The following WDR88 variants were observed in gnomAD, a reference collection of about 807,000 sequenced individuals.
WDR88 encodes the protein WD repeat-containing protein 88.
Under a neutral mutation model 46.8 loss-of-function variants are expected in WDR88, and 40 were observed. That is an observed-to-expected ratio of 0.86 (90% CI 0.66 to 1.11). The LOEUF (loss-of-function observed/expected upper bound fraction) is 1.11. Among genes scored for constraint, WDR88 ranks in the 50% most tolerant of loss-of-function variants. The probability of loss-of-function intolerance (pLI) is 0.00; values close to 1 mark genes in which losing one functional copy is unlikely to be tolerated. For synonymous variants in WDR88, 235 were observed against 240.7 expected, an observed-to-expected ratio of 0.98 and a Z score of 0.22; for missense variants, 562 against 602.4, an observed-to-expected ratio of 0.93 and a Z score of 0.70.
In WDR88 at chr19:33,146,580, G is replaced by A. The variant is rs912313474; in HGVS notation, c.477-1065G>A. The stretch of plus-strand genomic sequence containing the variant: ...CCTGCCCACGCTGGAGCGCAGTGGC[G>A]CAATCTTGGCTCACTGTAACCTCCG... On this transcript the variant is annotated intron_variant, in intron 3 of 10. Coordinates refer to ENST00000355868, the MANE Select transcript of WDR88 (RefSeq NM_173479.4). Among the ~76,000 whole-genome samples, 7 of 151,814 alleles carry A rather than the reference G, an allele frequency of 4.6e-5. No individual in the cohort carries two copies. In the East Asian group the frequency reaches 7.8e-4, roughly 17 times the overall value.
intron 2 of WDR88, among the ~76,000 whole-genome samples, chr19:33,143,337 C>CA (rs59380405): frequency 0.079 from 3,851 of 48,614 alleles, 196 homozygotes; most frequent in African/African-American, 0.11. Flanking sequence ...GATCCAGTGT[C>CA]AAAAAAAAAA....
At position 33,132,215 on chromosome 19, in the gene WDR88, T is replaced by C. The variant is rs1404911037; in HGVS notation, c.46T>C (p.Cys16Arg). Residue 16 changes from cysteine (C) to arginine (R), a missense_variant, in exon 1 of 11, where the codon TGC (cysteine) becomes CGC (arginine). Cys to Arg is a radical substitution (Grantham distance 180). Coordinates refer to ENST00000355868, the MANE Select transcript of WDR88 (RefSeq NM_173479.4). ...RCSPTAHDRE[C>R]KLPPPSAPAS... ...CTCCCCGACAGCCCATGACAGGGAA[T>C]GCAAGTTGCCGCCACCCTCCGCCCC... The C allele has an allele frequency of 1.2e-6, 2 of 1,608,896 alleles. No homozygotes were observed. Among genetic ancestry groups the C allele is most frequent in the Admixed American group, 1.7e-5 (1 of 59,964 alleles).
At chr19:33,167,709 C>T (rs1023862296) in intron 9 of WDR88, among the ~76,000 whole-genome samples, 12 of 151,012 alleles carry the variant, frequency 7.9e-5, no homozygotes, top group Non-Finnish European at 1.3e-4. Flanking sequence ...TTCTTCCTTC[C>T]TTCAATCCTT....
chr19:33,143,898 C>T (rs1973454301), intron 2 of WDR88, among the ~76,000 whole-genome samples: 1 of 152,146 alleles, frequency 6.6e-6, no homozygotes, highest in South Asian at 2.1e-4. Flanking sequence ...AATATTGTCA[C>T]ATCTCCTTTA....
intron 5 of WDR88, among the ~76,000 whole-genome samples, chr19:33,149,437 A>G (rs1973587820): frequency 6.6e-6 from 1 of 152,342 alleles, no homozygotes; most frequent in South Asian, 2.1e-4. Flanking sequence ...AACAAAGGAC[A>G]CAATGTTCGG....
intron 8 of WDR88, among the ~76,000 whole-genome samples, chr19:33,163,579 G>T (rs1462156676): frequency 6.6e-6 from 1 of 151,266 alleles, no homozygotes; most frequent in African/African-American, 2.4e-5. Flanking sequence ...TTTACACTTT[G>T]TATTCCACCC....
chr19:33,154,951 C>T (rs1973706164), intron 6 of WDR88, among the ~76,000 whole-genome samples: 1 of 152,154 alleles, frequency 6.6e-6, no homozygotes, highest in Non-Finnish European at 1.5e-5. Context: ...TTGTTTTGCT[C>T]AACCTTTTCT....
rs571285196 is a variant in WDR88, at chr19:33,151,316, T to C, written c.809+6T>C. ...ACGCTGCTCACCATCACTAAGTGAG[T>C]TGGACCCCAGGAGGCCAGAAGGGAG... On this transcript the variant is annotated splice_donor_region_variant and intron_variant, in intron 6 of 10. Transcript: ENST00000355868. 2.5e-6 allele frequency: 4 copies of C among 1,611,438 alleles called. No individual in the cohort carries two copies. The highest frequency in any genetic ancestry group is 2.7e-5 in the African/African-American group (2 of 74,848).
In WDR88 at chr19:33,175,414, C is replaced by T. The variant is rs751759441; in HGVS notation, c.1261C>T (p.Pro421Ser). The T allele has an allele frequency of 1.9e-6, 3 of 1,614,022 alleles. No homozygotes were observed. The highest frequency in any genetic ancestry group is 1.3e-5 in the African/African-American group (1 of 74,938). ...ATGTCAGTGCGAAAGATGTGACAGGCCTTTCTCCATCTTCAAGAGTGACAC... is the reference window on the plus strand; with the variant it reads ...ATGTCAGTGCGAAAGATGTGACAGGTCTTTCTCCATCTTCAAGAGTGACAC... ...KLKQCERCDR[P>S]FSIFKSDTSS... Residue 421 changes from proline to serine, a missense_variant, in exon 11 of 11, where the codon CCT (proline) becomes TCT (serine). By Grantham distance (74) the Pro-to-Ser change is moderately conservative. Coordinates refer to ENST00000355868, the MANE Select transcript of WDR88 (RefSeq NM_173479.4).
chr19:33,134,996 C>G (rs1045388622), intron 1 of WDR88, among the ~76,000 whole-genome samples: 2 of 151,668 alleles, frequency 1.3e-5, no homozygotes, highest in Non-Finnish European at 2.9e-5. Flanking sequence ...TTTCCCCCAC[C>G]CCCACACTTC....
intron 4 of WDR88, among the ~76,000 whole-genome samples, chr19:33,148,009 A>C (rs1336473350): frequency 6.6e-6 from 1 of 151,876 alleles, no homozygotes; most frequent in Non-Finnish European, 1.5e-5. Context: ...AAGAAGCCAG[A>C]ATTGGGGGTG....
chr19:33,165,031 C>G (rs903511752), intron 9 of WDR88, among the ~76,000 whole-genome samples: 2 of 151,964 alleles, frequency 1.3e-5, no homozygotes, highest in African/African-American at 2.4e-5. Flanking sequence ...AAGGAGCACA[C>G]AGCCTAGATC....
intron 1 of WDR88, among the ~76,000 whole-genome samples, chr19:33,132,957 T>A (rs1456481058): frequency 4.6e-5 from 7 of 151,844 alleles, no homozygotes; most frequent in Non-Finnish European, 7.4e-5. Context: ...CCCAGGAGTT[T>A]GAGACCAGCC....
Position 33,158,067 on chromosome 19 carries a change from G to A in WDR88, c.997+1525G>A, listed in dbSNP as rs367838735. Among the ~76,000 whole-genome samples the A allele has an allele frequency of 6.9e-4, 105 of 152,192 alleles. 5 individuals carry two copies. In the South Asian group the frequency reaches 0.021, roughly 31 times the overall value. ...TTGCCAGATAAAGGGACATAGAGGT[G>A]AATGGGGGCAGTGACAGGAAGCCAC... On this transcript the variant is annotated intron_variant, in intron 7 of 10. Transcript: ENST00000355868.
intron 10 of WDR88, chr19:33,175,107 C>A: frequency 1.4e-6 from 1 of 728,714 alleles, no homozygotes. Context: ...TGGTGGTGCA[C>A]GCCTGTAATC....
At chr19:33,162,628 G>C (rs1973887959) in intron 8 of WDR88, among the ~76,000 whole-genome samples, 1 of 152,144 alleles carries the variant, frequency 6.6e-6, no homozygotes, top group African/African-American at 2.4e-5. Flanking sequence ...CAGGGCCTCT[G>C]AGGGGTATTT....
intron 1 of WDR88, 23 bp from the exon 2 acceptor site, chr19:33,137,654 C>A (rs754990296): frequency 6.3e-7 from 1 of 1,590,716 alleles, no homozygotes; most frequent in Non-Finnish European, 8.6e-7. Flanking sequence ...ATGTTTAGCT[C>A]ATCTGGTCTC....
chr19:33,147,618 T>C (rs1293715505), intron 3 of WDR88, 27 bp from the exon 4 acceptor site: 5 of 1,611,006 alleles, frequency 3.1e-6, no homozygotes, highest in East Asian at 4.5e-5. Flanking sequence ...AAAGAACCAG[T>C]GTTCGTCATC....
At chr19:33,162,894 C>CTAAA (rs1227106786) in intron 8 of WDR88, among the ~76,000 whole-genome samples, 2 of 150,286 alleles carry the variant, frequency 1.3e-5, no homozygotes, top group Non-Finnish European at 3.0e-5. Context: ...ATAAAAATAA[C>CTAAA]TAAATAAATA....
Sources: allele counts gnomAD v4.1 joint callset (sites outside exome capture counted in the v4.1 genomes callset), GRCh38; gene constraint gnomAD v4.1.1; transcripts MANE v1.5; gene names NCBI Gene and HGNC (gene_info 2026-07-23, HGNC 2026-07-21).